The following RBMS3 variants were observed in gnomAD, a reference collection of about 807,000 sequenced individuals.
RBMS3 encodes the protein RNA-binding motif, single-stranded-interacting protein 3.
In RBMS3, 27 loss-of-function variants were observed where a neutral mutation model predicts 66.8. The observed-to-expected ratio is 0.40, with a 90% CI of 0.30 to 0.56. The LOEUF is 0.56. Ranked by LOEUF, RBMS3 falls within the 20% of genes least tolerant of loss-of-function variation. RBMS3 has a pLI of 0.40. For missense variants in RBMS3, 513 were observed against 549.5 expected, an observed-to-expected ratio of 0.93 and a Z score of 0.66; for synonymous variants, 188 against 183.0, an observed-to-expected ratio of 1.03 and a Z score of -0.22.
chr3:29,708,109 C>T lies in RBMS3; in HGVS notation c.400-31611C>T, dbSNP rs576970151. On this transcript the variant is annotated intron_variant, in intron 4 of 14. Coordinates refer to ENST00000383767, the MANE Select transcript of RBMS3 (RefSeq NM_001003793.3). ...AATTAAAGCCCCTGCTGATTGACAG[C>T]GATATATGCTACTTTTGTTTTTAAT... 5.9e-5 allele frequency among the ~76,000 whole-genome samples: 9 copies of T among 152,226 alleles called. No individual in the cohort carries two copies. In the East Asian group the frequency reaches 1.5e-3, roughly 26 times the overall value.
chr3:29,690,613 C>A (rs1303029631), intron 4 of RBMS3, among the ~76,000 whole-genome samples: 1 of 152,188 alleles, frequency 6.6e-6, no homozygotes, highest in Admixed American at 6.5e-5. Context: ...TGAATCTCTA[C>A]ATTCATGTTG....
At chr3:29,930,956 A>G (rs1324847405) in intron 10 of RBMS3, among the ~76,000 whole-genome samples, 1 of 152,094 alleles carries the variant, frequency 6.6e-6, no homozygotes, top group Non-Finnish European at 1.5e-5. Flanking sequence ...ATTTCTAACT[A>G]ACTACTTTTT....
At chr3:29,656,979 C>T (rs971631693) in intron 4 of RBMS3, among the ~76,000 whole-genome samples, 1 of 152,108 alleles carries the variant, frequency 6.6e-6, no homozygotes, top group African/African-American at 2.4e-5. Flanking sequence ...TCTGGGCCTC[C>T]CCATTAGCTA....
intron 3 of RBMS3, among the ~76,000 whole-genome samples, chr3:29,544,385 A>G (rs2045871311): frequency 7.5e-6 from 1 of 133,476 alleles, no homozygotes; most frequent in Admixed American, 7.0e-5. Context: ...AGTCTTACAA[A>G]TTTGTTTTTT....
intron 1 of RBMS3, among the ~76,000 whole-genome samples, chr3:29,431,299 TTC>T (rs2041183777): frequency 8.9e-6 from 1 of 112,278 alleles, no homozygotes; most frequent in Admixed American, 1.0e-4. Context: ...CTTTTTCCTT[TTC>T]TTTTTTTTTT....
intron 1 of RBMS3, among the ~76,000 whole-genome samples, chr3:29,387,989 C>T (rs1054560600): frequency 6.6e-6 from 1 of 152,000 alleles, no homozygotes; most frequent in African/African-American, 2.4e-5. Context: ...CCACTCCCAC[C>T]CTCATTTATC....
chr3:29,639,838 G>C (rs2049628850), intron 4 of RBMS3, among the ~76,000 whole-genome samples: 1 of 151,840 alleles, frequency 6.6e-6, no homozygotes, highest in African/African-American at 2.4e-5. Context: ...ATTTTTTAAA[G>C]GGAAAAGAAG....
intron 2 of RBMS3, among the ~76,000 whole-genome samples, chr3:29,476,325 A>T (rs1575940223): frequency 6.6e-6 from 1 of 152,332 alleles, no homozygotes; most frequent in South Asian, 2.1e-4. Flanking sequence ...GAGCTAGAAG[A>T]CTTTACATAC....
intron 3 of RBMS3, among the ~76,000 whole-genome samples, chr3:29,492,229 C>G (rs1230329827): frequency 6.6e-6 from 1 of 152,024 alleles, no homozygotes; most frequent in African/African-American, 2.4e-5. Context: ...TACTACTATC[C>G]CTTTCATGTT....
At chr3:29,975,578 T>A (rs1430557735) in intron 12 of RBMS3, among the ~76,000 whole-genome samples, 1 of 151,876 alleles carries the variant, frequency 6.6e-6, no homozygotes, top group Non-Finnish European at 1.5e-5. Flanking sequence ...AATTTTTCAT[T>A]GTCTTGTTTT....
intron 1 of RBMS3, among the ~76,000 whole-genome samples, chr3:29,346,393 A>ATTT (rs2036576467): frequency 8.5e-6 from 1 of 117,642 alleles, no homozygotes; most frequent in African/African-American, 3.1e-5. Flanking sequence ...AAGGCAATTC[A>ATTT]TTCTTTTTTT....
intron 1 of RBMS3, among the ~76,000 whole-genome samples, chr3:29,390,573 C>T (rs1024332659): frequency 2.6e-5 from 4 of 151,984 alleles, no homozygotes; most frequent in South Asian, 2.1e-4. Flanking sequence ...AATGAAAAGA[C>T]ATGCCTTTGA....
At chr3:29,957,235 A>G (rs1696104737) in intron 12 of RBMS3, among the ~76,000 whole-genome samples, 1 of 152,134 alleles carries the variant, frequency 6.6e-6, no homozygotes. Flanking sequence ...CCTCTAGAGT[A>G]AAGGCTATAA....
intron 12 of RBMS3, among the ~76,000 whole-genome samples, chr3:29,952,093 G>T (rs1421634243): frequency 6.6e-6 from 1 of 151,802 alleles, no homozygotes; most frequent in Admixed American, 6.6e-5. Context: ...ACATGACTGT[G>T]TGAAAATGAA....
intron 6 of RBMS3, among the ~76,000 whole-genome samples, chr3:29,828,010 T>G (rs1468435121): frequency 6.6e-6 from 1 of 152,106 alleles, no homozygotes; most frequent in Non-Finnish European, 1.5e-5. Context: ...AGTTCATATA[T>G]TTTTGCTTCA....
chr3:29,929,359 A>G (rs958570682), intron 10 of RBMS3, among the ~76,000 whole-genome samples: 2 of 152,192 alleles, frequency 1.3e-5, no homozygotes, highest in Admixed American at 6.5e-5. Context: ...AAAATAAAGC[A>G]TTATTGAGAA....
intron 3 of RBMS3, among the ~76,000 whole-genome samples, chr3:29,585,385 G>A (rs1313705286): frequency 2.0e-5 from 3 of 152,116 alleles, no homozygotes; most frequent in African/African-American, 4.8e-5. Context: ...TACTAGCATA[G>A]TTTACAACGT....
chr3:29,847,145 T>C (rs973071537), intron 6 of RBMS3, among the ~76,000 whole-genome samples: 1 of 152,218 alleles, frequency 6.6e-6, no homozygotes, highest in African/African-American at 2.4e-5. Flanking sequence ...TGAATGAAGC[T>C]TTTTAGATTG....
In RBMS3 at chr3:29,886,073, CATA is replaced by C. The variant is rs1332461269; in HGVS notation, c.791+1869_791+1871del. Among the ~76,000 whole-genome samples the C allele has an allele frequency of 5.3e-5, 8 of 151,706 alleles. No individual in the cohort carries two copies. In the South Asian group the frequency reaches 6.2e-4, roughly 12 times the overall value. ...CCATATCAAAGTAAAATTTAAACAT[CATA>C]ATATTTCTAACTTCTTACATCTTCG... On this transcript the variant is annotated intron_variant, in intron 8 of 14. Transcript: ENST00000383767.
Sources: allele counts gnomAD v4.1 joint callset (sites outside exome capture counted in the v4.1 genomes callset), GRCh38; gene constraint gnomAD v4.1.1; transcripts MANE v1.5; gene names NCBI Gene and HGNC (gene_info 2026-07-23, HGNC 2026-07-21).